LRRN2: variants seen among roughly 807,000 people sequenced by gnomAD.
The protein encoded by LRRN2 is leucine rich repeat neuronal 2.
LRRN2 carries 10 observed loss-of-function variants against 35.7 expected under a neutral mutation model. The ratio of observed to expected loss-of-function variants is 0.28; its 90% CI spans 0.17 to 0.47. LRRN2 has a LOEUF of 0.47. LRRN2 is among the 20% of genes least tolerant of loss of function. The pLI is 0.99. For missense variants in LRRN2, 731 were observed against 940.3 expected (o/e 0.78, Z 2.91); for synonymous variants, 391 against 409.6 (o/e 0.95, Z 0.55).
chr1:204,636,580 C>G (rs544625607), intron 1 of LRRN2, among the ~76,000 whole-genome samples: 25 of 152,082 alleles, frequency 1.6e-4, no homozygotes, highest in Non-Finnish European at 2.5e-4. Flanking sequence ...TAGGGGCATC[C>G]GCACAGAGCA....
chr1:204,657,785 G>T (rs565476011), intron 1 of LRRN2, among the ~76,000 whole-genome samples: 1 of 152,046 alleles, frequency 6.6e-6, no homozygotes, highest in African/African-American at 2.4e-5. Context: ...TCTTTTGTGG[G>T]TATAATGTCG....
chr1:204,630,128 C>T (rs571187019), intron 1 of LRRN2, among the ~76,000 whole-genome samples: 5 of 152,342 alleles, frequency 3.3e-5, no homozygotes, highest in African/African-American at 4.8e-5. Flanking sequence ...AAATACAATG[C>T]TCATCTTCTG....
chr1:204,672,443 A>G (rs943438387), intron 1 of LRRN2, among the ~76,000 whole-genome samples: 3 of 152,172 alleles, frequency 2.0e-5, no homozygotes, highest in Non-Finnish European at 4.4e-5. Flanking sequence ...CCTTGGGTCA[A>G]TTGGGGTCCC....
In LRRN2 at chr1:204,618,457, C is replaced by G; in HGVS notation, c.1536G>C (p.Val512=). Residue 512 remains valine, a synonymous_variant, in exon 2 of 2, where the codon GTG becomes GTC. Transcript: ENST00000367177. ...LVGADTKTVS[V]VVGRALLQPG... ...GCTGGAGGAGAGCACGGCCCACAAC[C>G]ACACTAACCGTCTTAGTGTCAGCCC... 2 of 1,614,214 alleles carry G rather than the reference C, an allele frequency of 1.2e-6. No homozygotes were observed. Among genetic ancestry groups the G allele is most frequent in the South Asian group, 2.2e-5 (2 of 91,084 alleles).
chr1:204,652,227 C>G (rs973190504), intron 1 of LRRN2, among the ~76,000 whole-genome samples: 2 of 149,664 alleles, frequency 1.3e-5, no homozygotes, highest in Non-Finnish European at 3.0e-5. Context: ...ACCCTTCCCC[C>G]TCCTCTCTCC....
At chr1:204,628,234 C>T (rs181093397) in intron 1 of LRRN2, 4 of 152,420 alleles carry the variant, frequency 2.6e-5, no homozygotes, top group Non-Finnish European at 4.4e-5. Flanking sequence ...GTTCTTGCCT[C>T]TGGATTTGCC....
chr1:204,637,252 T>G (rs1667857791), intron 1 of LRRN2, among the ~76,000 whole-genome samples: 1 of 152,260 alleles, frequency 6.6e-6, no homozygotes, highest in African/African-American at 2.4e-5. Context: ...AATGAGCTTC[T>G]TTCCTCTGCC....
intron 1 of LRRN2, chr1:204,664,621 G>T (rs994114534): frequency 6.6e-6 from 1 of 152,030 alleles, no homozygotes; most frequent in Non-Finnish European, 1.5e-5. Context: ...TGCCCCTTTC[G>T]CCTGTGATTC....
chr1:204,647,155 TAAAAA>T (rs11284966), intron 1 of LRRN2, among the ~76,000 whole-genome samples: 3 of 142,826 alleles, frequency 2.1e-5, no homozygotes, highest in Non-Finnish European at 3.0e-5. Flanking sequence ...GCAAGGAGGT[TAAAAA>T]AAAAAAAAAA....
At chr1:204,627,577 C>A (rs1045341468) in intron 1 of LRRN2, among the ~76,000 whole-genome samples, 1 of 152,194 alleles carries the variant, frequency 6.6e-6, no homozygotes, top group East Asian at 1.9e-4. Context: ...CTCATTATTT[C>A]TTAATTAGGA....
intron 1 of LRRN2, among the ~76,000 whole-genome samples, chr1:204,671,675 A>G (rs10793714): frequency 9.0e-6 from 1 of 111,530 alleles, no homozygotes. Context: ...AAAAAAGCAA[A>G]GGTGCCAATG....
chr1:204,623,454 C>T (rs542463277), intron 1 of LRRN2, among the ~76,000 whole-genome samples: 1 of 152,324 alleles, frequency 6.6e-6, no homozygotes, highest in East Asian at 1.9e-4. Context: ...GCCTCGGGAT[C>T]CAGAGGCAGT....
intron 1 of LRRN2, among the ~76,000 whole-genome samples, chr1:204,632,257 C>T (rs1376988234): frequency 2.0e-5 from 3 of 152,074 alleles, no homozygotes; most frequent in Non-Finnish European, 4.4e-5. Flanking sequence ...AAACTTAAAC[C>T]CAAACAAACA....
intron 1 of LRRN2, among the ~76,000 whole-genome samples, chr1:204,654,390 A>G (rs1478857605): frequency 6.6e-6 from 1 of 152,214 alleles, no homozygotes; most frequent in Non-Finnish European, 1.5e-5. Context: ...GTTTGTCCCA[A>G]CGGTGGCCTA....
intron 1 of LRRN2, among the ~76,000 whole-genome samples, chr1:204,669,481 A>G (rs752760299): frequency 3.3e-5 from 5 of 152,258 alleles, no homozygotes; most frequent in Non-Finnish European, 7.3e-5. Context: ...ATAGATGGAC[A>G]TTTCTCTAAT....
chr1:204,639,594 G>A (rs949474048), intron 1 of LRRN2, among the ~76,000 whole-genome samples: 6 of 152,198 alleles, frequency 3.9e-5, no homozygotes, highest in African/African-American at 1.4e-4. Flanking sequence ...AGCTAAGAAT[G>A]CACCATCGCA....
chr1:204,652,897 G>A (rs1298123655), intron 1 of LRRN2, among the ~76,000 whole-genome samples: 1 of 152,194 alleles, frequency 6.6e-6, no homozygotes, highest in Non-Finnish European at 1.5e-5. Context: ...CCCTACAGAT[G>A]GAGGGTGCTG....
At chr1:204,666,177 C>T (rs1228985820) in intron 1 of LRRN2, among the ~76,000 whole-genome samples, 1 of 152,226 alleles carries the variant, frequency 6.6e-6, no homozygotes, top group Non-Finnish European at 1.5e-5. Flanking sequence ...ATATTTACTG[C>T]CCCAATTTTC....
chr1:204,643,384 T>G (rs1668027171), intron 1 of LRRN2, among the ~76,000 whole-genome samples: 1 of 152,152 alleles, frequency 6.6e-6, no homozygotes, highest in African/African-American at 2.4e-5. Context: ...GTCCATAGCT[T>G]TTATCAACTT....
Sources: allele counts gnomAD v4.1 joint callset (sites outside exome capture counted in the v4.1 genomes callset), GRCh38; gene constraint gnomAD v4.1.1; transcripts MANE v1.5; gene names NCBI Gene and HGNC (gene_info 2026-07-23, HGNC 2026-07-21).